The following MYO1E variants were observed in gnomAD, a reference collection of about 807,000 sequenced individuals.
The protein encoded by MYO1E is unconventional myosin-Ie.
Under a neutral mutation model 151.1 loss-of-function variants are expected in MYO1E, and 68 were observed. The observed-to-expected ratio is 0.45, with a 90% confidence interval of 0.37 to 0.55. The LOEUF is 0.55. Among genes scored for constraint, MYO1E ranks in the 20% least tolerant of loss-of-function variants. The probability of loss-of-function intolerance (pLI) is 0.00; values close to 1 mark genes in which losing one functional copy is unlikely to be tolerated. For missense variants in MYO1E, 1,363 were observed against 1,389.3 expected, an observed-to-expected ratio of 0.98 and a Z score of 0.30; for synonymous variants, 601 against 501.7, an observed-to-expected ratio of 1.20 and a Z score of -2.64.
At chr15:59,219,894 G>A (rs906281432) in intron 9 of MYO1E, among the ~76,000 whole-genome samples, 12 of 152,062 alleles carry the variant, frequency 7.9e-5, no homozygotes, top group Non-Finnish European at 8.8e-5. Context: ...CTTCACAGAA[G>A]AACTAAACAG....
At chr15:59,266,686 G>A (rs1473670384) in intron 2 of MYO1E, 3 of 125,248 alleles carry the variant, frequency 2.4e-5, no homozygotes, top group Admixed American at 8.5e-5. Flanking sequence ...TTTTTGAGAC[G>A]GAGTCTCAGT....
intron 4 of MYO1E, among the ~76,000 whole-genome samples, chr15:59,247,439 G>T (rs1015593857): frequency 6.6e-6 from 1 of 152,188 alleles, no homozygotes; most frequent in Middle Eastern, 3.2e-3. Flanking sequence ...TCAAATAGAG[G>T]CTCTGCCATC....
rs538173068 is a variant in MYO1E, at chr15:59,256,345, G to C, written c.271C>G (p.Leu91Val). Reference sequence around the variant, plus strand: ...ATGTTTCTGTACATATTATCTGCAAGGGCATAGATATGTGGTGGGTTTTCA... The same window carrying C: ...ATGTTTCTGTACATATTATCTGCAACGGCATAGATATGTGGTGGGTTTTCA... The part of the protein sequence containing the change: ...QYENPPHIYA[L>V]ADNMYRNMII... Residue 91 changes from leucine (L) to valine (V), a missense_variant, in exon 4 of 28, where the codon CTT becomes GTT. Coordinates refer to ENST00000288235, the MANE Select transcript of MYO1E (RefSeq NM_004998.4). 8 of 1,612,588 alleles carry C rather than the reference G, an allele frequency of 5.0e-6. No individual in the cohort carries two copies. In the African/African-American group the frequency reaches 9.3e-5, roughly 19 times the overall value.
intron 1 of MYO1E, among the ~76,000 whole-genome samples, chr15:59,370,878 T>G (rs531580183): frequency 6.6e-6 from 1 of 152,306 alleles, no homozygotes; most frequent in Non-Finnish European, 1.5e-5. Flanking sequence ...GGAAAATGAT[T>G]ACAGCAATTC....
At position 59,236,565 on chromosome 15, in the gene MYO1E, A is replaced by G. The variant is rs1373625376; in HGVS notation, c.420+20T>C. 1.3e-6 allele frequency: 2 copies of G among 1,579,666 alleles called. No homozygotes were observed. Among genetic ancestry groups the G allele is most frequent in the South Asian group, 1.1e-5 (1 of 90,406 alleles). On this transcript the variant is annotated intron_variant, in intron 5 of 27. Transcript: ENST00000288235. Reference sequence around the variant, plus strand: ...ATTTCCCATAACATAAGGTATCATAATGGGCCACTGCCCACTCACCTGGAC... The same window carrying G: ...ATTTCCCATAACATAAGGTATCATAGTGGGCCACTGCCCACTCACCTGGAC...
chr15:59,269,435 G>A (rs982915664), intron 2 of MYO1E, among the ~76,000 whole-genome samples: 2 of 152,206 alleles, frequency 1.3e-5, no homozygotes, highest in African/African-American at 4.8e-5. Context: ...CATGTGCTGT[G>A]GGTGCTGCAC....
intron 21 of MYO1E, among the ~76,000 whole-genome samples, chr15:59,172,735 A>C (rs753529736): frequency 9.9e-5 from 15 of 152,184 alleles, no homozygotes; most frequent in Non-Finnish European, 2.1e-4. Flanking sequence ...GAGTTCATAA[A>C]ATTTTCATTC....
intron 21 of MYO1E, among the ~76,000 whole-genome samples, chr15:59,172,587 G>A (rs2079602105): frequency 6.6e-6 from 1 of 152,266 alleles, no homozygotes; most frequent in East Asian, 1.9e-4. Flanking sequence ...TTAAAAACTG[G>A]CAAACTCATA....
At chr15:59,209,823 T>C (rs1169871795) in intron 13 of MYO1E, among the ~76,000 whole-genome samples, 1,193 of 95,886 alleles carry the variant, frequency 0.012, 86 homozygotes, top group African/African-American at 0.049. Flanking sequence ...ACCTTTTTTT[T>C]TTTTTTTTTT....
intron 1 of MYO1E, among the ~76,000 whole-genome samples, chr15:59,322,518 A>C (rs1260687957): frequency 6.6e-6 from 1 of 152,242 alleles, no homozygotes; most frequent in Non-Finnish European, 1.5e-5. Context: ...TAAACAATCC[A>C]GATCATATGA....
chr15:59,231,201 G>C (rs2080025507), intron 6 of MYO1E, among the ~76,000 whole-genome samples: 1 of 152,202 alleles, frequency 6.6e-6, no homozygotes, highest in Non-Finnish European at 1.5e-5. Context: ...AAAGCCAGAG[G>C]GCTGCGGTGG....
chr15:59,141,462 C>T (rs2079408709), intron 26 of MYO1E, among the ~76,000 whole-genome samples: 1 of 152,158 alleles, frequency 6.6e-6, no homozygotes. Context: ...AGTTGTTATA[C>T]TATATTGTTT....
chr15:59,218,182 C>T (rs1566982497), intron 9 of MYO1E, 95 bp from the exon 10 acceptor site: 6 of 1,440,114 alleles, frequency 4.2e-6, no homozygotes, highest in Admixed American at 1.7e-5. Flanking sequence ...TGCACATGCA[C>T]GTGTGTGTGC....
intron 16 of MYO1E, among the ~76,000 whole-genome samples, chr15:59,198,754 G>A (rs1285989803): frequency 6.6e-6 from 1 of 151,976 alleles, no homozygotes; most frequent in East Asian, 1.9e-4. Context: ...GGGAGGCAGA[G>A]GTTGCAGTGA....
At chr15:59,229,809 AC>A (rs2080015434) in intron 6 of MYO1E, among the ~76,000 whole-genome samples, 1 of 152,142 alleles carries the variant, frequency 6.6e-6, no homozygotes. Flanking sequence ...CTAAATAATT[AC>A]TGTCATAGAT....
intron 15 of MYO1E, among the ~76,000 whole-genome samples, chr15:59,204,108 C>G (rs1006554390): frequency 1.3e-5 from 2 of 152,236 alleles, no homozygotes; most frequent in Non-Finnish European, 2.9e-5. Context: ...GGAAGCAAGT[C>G]TGCACCTGAC....
In MYO1E at chr15:59,214,263, G is replaced by C; in HGVS notation, c.1240C>G (p.Gln414Glu). ...CINFVNEKLQQIFIELTLKAE... is the reference protein window; with the variant it reads ...CINFVNEKLQEIFIELTLKAE... ...TTTAATGTCAGTTCAATAAAAATCTGCTGCAGTTTTTCATTAACAAAATTG... is the reference window on the plus strand; with the variant it reads ...TTTAATGTCAGTTCAATAAAAATCTCCTGCAGTTTTTCATTAACAAAATTG... The change falls in exon 12 of 28, where the codon CAG (glutamine) becomes GAG (glutamate). Residue 414 changes from glutamine (Q) to glutamate (E), a missense_variant. Gln to Glu is a conservative substitution (Grantham distance 29, BLOSUM62 2). Coordinates refer to ENST00000288235, the MANE Select transcript of MYO1E (RefSeq NM_004998.4). 1 of 1,613,316 alleles carries C rather than the reference G, an allele frequency of 6.2e-7. No individual in the cohort carries two copies. The highest frequency in any genetic ancestry group is 8.5e-7 in the Non-Finnish European group (1 of 1,179,722).
chr15:59,313,567 T>C (rs2080566471), intron 1 of MYO1E, among the ~76,000 whole-genome samples: 2 of 144,764 alleles, frequency 1.4e-5, no homozygotes, highest in African/African-American at 5.0e-5. Context: ...CTATCTCCTA[T>C]GCTCACATCC....
chr15:59,281,924 A>C (rs2080355267), intron 1 of MYO1E, among the ~76,000 whole-genome samples: 1 of 151,604 alleles, frequency 6.6e-6, no homozygotes, highest in Non-Finnish European at 1.5e-5. Context: ...TGATTGCACC[A>C]CTGCACTCCA....
Sources: gnomAD v4.1 joint callset for allele counts (sites outside exome capture counted in the v4.1 genomes callset) on GRCh38, gnomAD v4.1.1 for gene constraint, MANE v1.5 for transcripts, NCBI Gene and HGNC (gene_info 2026-07-23, HGNC 2026-07-21) for gene names.